The following CENPU variants were observed in gnomAD, a reference collection of about 807,000 sequenced individuals.
CENPU encodes the protein KSHV latent nuclear antigen interacting protein 1.
A neutral mutation model predicts 56.7 loss-of-function variants in CENPU; 46 were observed. That is an observed-to-expected ratio of 0.81 (90% CI 0.64 to 1.04). The LOEUF is 1.04. Among genes scored for constraint, CENPU ranks in the 50% least tolerant of loss-of-function variants. The pLI, the probability that CENPU is intolerant of heterozygous loss-of-function variation, is 0.00. For missense variants in CENPU, 510 were observed against 490.1 expected, an observed-to-expected ratio of 1.04 and a Z score of -0.38; for synonymous variants, 166 against 163.0, an observed-to-expected ratio of 1.02 and a Z score of -0.14.
intron 8 of CENPU, among the ~76,000 whole-genome samples, chr4:184,702,898 T>C (rs555899488): frequency 1.3e-5 from 2 of 152,324 alleles, no homozygotes; most frequent in South Asian, 4.1e-4. Flanking sequence ...GCAAAGGACA[T>C]GATTTTGTTC....
rs566298848 is a variant in CENPU, at chr4:184,731,966, G to A, written c.48-998C>T. ...TACTACAATATGTCTTTCCTAAGAG[G>A]GCATTATACTGCATATTCATGGTAC... On this transcript the variant is annotated intron_variant, in intron 1 of 12. Coordinates refer to ENST00000281453, the MANE Select transcript of CENPU (RefSeq NM_024629.4). Among the ~76,000 whole-genome samples, 8 of 150,382 alleles carry A rather than the reference G, an allele frequency of 5.3e-5. No homozygotes were observed. In the East Asian group the frequency reaches 1.2e-3, roughly 22 times the overall value.
chr4:184,697,744 G>A lies in CENPU; in HGVS notation c.1046C>T (p.Ser349Phe), dbSNP rs756841235. 6 of 1,612,656 alleles carry A rather than the reference G, an allele frequency of 3.7e-6. No homozygotes were observed. Among genetic ancestry groups the A allele is most frequent in the Non-Finnish European group, 5.1e-6 (6 of 1,179,376 alleles). Residue 349 changes from serine to phenylalanine, a missense_variant, in exon 12 of 13, where the codon TCT becomes TTT. Physicochemically the swap from Ser to Phe is radical, Grantham distance 155. Coordinates refer to ENST00000281453, the MANE Select transcript of CENPU (RefSeq NM_024629.4). ...GAAATATGCTGCATTCCTAAGGGAAGACTTTCTCTCTTTAAGTTCATCATA... is the reference window on the plus strand; with the variant it reads ...GAAATATGCTGCATTCCTAAGGGAAAACTTTCTCTCTTTAAGTTCATCATA... ...TKYDELKERK[S>F]SLRNAAYFLS...
At chr4:184,728,437 C>A (rs553401325) in intron 3 of CENPU, among the ~76,000 whole-genome samples, 10 of 152,296 alleles carry the variant, frequency 6.6e-5, no homozygotes, top group Admixed American at 2.0e-4. Flanking sequence ...AAGCAGCCCA[C>A]CCTGACAACT....
At chr4:184,710,606 G>A (rs1347289233) in intron 7 of CENPU, among the ~76,000 whole-genome samples, 1 of 152,130 alleles carries the variant, frequency 6.6e-6, no homozygotes, top group African/African-American at 2.4e-5. Flanking sequence ...GTAATATACA[G>A]TAATATACCA....
chr4:184,718,765 C>T (rs776236990), intron 4 of CENPU, among the ~76,000 whole-genome samples: 40 of 152,068 alleles, frequency 2.6e-4, no homozygotes, highest in African/African-American at 8.7e-4. Flanking sequence ...ATTGCTGGAT[C>T]GGAGGGGAGT....
In CENPU at chr4:184,694,704, G is replaced by C; in HGVS notation, c.*584C>G. On this transcript the variant is annotated 3_prime_UTR_variant, in exon 13 of 13. Coordinates refer to ENST00000281453, the MANE Select transcript of CENPU (RefSeq NM_024629.4). ...ATGCTGAATTAGCTGAAGCTGCAGA[G>C]AACAGTCTTCTCAGTTATAACAGTG... 1.2e-6 allele frequency: 2 copies of C among 1,613,752 alleles called. No homozygotes were observed. Among genetic ancestry groups the C allele is most frequent in the East Asian group, 2.2e-5 (1 of 44,884 alleles).
Position 184,694,586 on chromosome 4 carries a change from A to G in CENPU, c.*702T>C. 3 of 1,614,166 alleles carry G rather than the reference A, an allele frequency of 1.9e-6. No homozygotes were observed. Among genetic ancestry groups the G allele is most frequent in the Non-Finnish European group, 2.5e-6 (3 of 1,179,998 alleles). On this transcript the variant is annotated 3_prime_UTR_variant, in exon 13 of 13. Coordinates refer to ENST00000281453, the MANE Select transcript of CENPU (RefSeq NM_024629.4). Reference sequence around the variant, plus strand: ...AGCAATGAAACCCAGAATCCTCATAAACCATCACCTAGCAGGCTGTCAACA... The same window carrying G: ...AGCAATGAAACCCAGAATCCTCATAGACCATCACCTAGCAGGCTGTCAACA...
At chr4:184,712,069 G>C (rs6552803) in intron 7 of CENPU, among the ~76,000 whole-genome samples, 149,539 of 149,698 alleles carry the variant, frequency 1, 74,691 homozygotes, top group Non-Finnish European at 1. Flanking sequence ...TGCAGTGAGC[G>C]GAGATCAAGC....
At chr4:184,715,180 G>A (rs1029677178) in intron 6 of CENPU, among the ~76,000 whole-genome samples, 1 of 152,174 alleles carries the variant, frequency 6.6e-6, no homozygotes, top group African/African-American at 2.4e-5. Flanking sequence ...CAGGGTGGCA[G>A]GGACAACTTA....
In CENPU at chr4:184,717,207, T is replaced by C. The variant is rs1288853635; in HGVS notation, c.321-11A>G. 1 of 1,607,026 alleles carries C rather than the reference T, an allele frequency of 6.2e-7. No individual in the cohort carries two copies. The highest frequency in any genetic ancestry group is 1.7e-5 in the Admixed American group (1 of 59,788). On this transcript the variant is annotated splice_polypyrimidine_tract_variant and intron_variant, in intron 4 of 12. Transcript: ENST00000281453. The stretch of plus-strand genomic sequence containing the variant: ...CCAGAAGTGTCTGAACTGTAAAAAG[T>C]ACAAGCCATCAATATCTTGTACACA...
At chr4:184,696,883 CTT>C (rs11356233) in intron 12 of CENPU, among the ~76,000 whole-genome samples, 16 of 142,890 alleles carry the variant, frequency 1.1e-4, no homozygotes, top group Non-Finnish European at 1.5e-4. Flanking sequence ...TGTTCCTTAA[CTT>C]TTTTTTTTTT....
chr4:184,694,654 G>T lies in CENPU; in HGVS notation c.*634C>A. 6.2e-7 allele frequency: 1 copy of T among 1,614,164 alleles called. No homozygotes were observed. On this transcript the variant is annotated 3_prime_UTR_variant, in exon 13 of 13. Transcript: ENST00000281453. ...TGTCTGGGATAATGGCATTGATGAT[G>T]CTTATTTTTTAGAAGCTACTGAAGA...
At chr4:184,714,128 G>A (rs1359487049) in intron 6 of CENPU, among the ~76,000 whole-genome samples, 2 of 152,060 alleles carry the variant, frequency 1.3e-5, no homozygotes, top group African/African-American at 4.8e-5. Flanking sequence ...TAAAGAGCTG[G>A]GAAATAAATC....
At chr4:184,718,920 A>G (rs1453763367) in intron 4 of CENPU, among the ~76,000 whole-genome samples, 1 of 152,216 alleles carries the variant, frequency 6.6e-6, no homozygotes, top group Non-Finnish European at 1.5e-5. Flanking sequence ...TGTGCAAAAC[A>G]TCCGGGAACT....
chr4:184,707,530 C>T (rs1315600283), intron 8 of CENPU, among the ~76,000 whole-genome samples: 1 of 152,166 alleles, frequency 6.6e-6, no homozygotes, highest in Non-Finnish European at 1.5e-5. Flanking sequence ...AGAATGATGA[C>T]CCAGAGTCCA....
At chr4:184,702,042 T>A (rs1243057869) in intron 10 of CENPU, 47 bp downstream of exon 10, 1 of 1,221,248 alleles carries the variant, frequency 8.2e-7, no homozygotes, top group African/African-American at 1.5e-5. Context: ...TAACTCTACA[T>A]TAGTATTGTG....
chr4:184,703,138 C>G (rs1760598519), intron 8 of CENPU, among the ~76,000 whole-genome samples: 1 of 152,088 alleles, frequency 6.6e-6, no homozygotes, highest in South Asian at 2.1e-4. Flanking sequence ...TTCCCTAAGC[C>G]CTCTGGTACG....
At chr4:184,725,490 G>C (rs978708559) in intron 3 of CENPU, among the ~76,000 whole-genome samples, 1 of 152,162 alleles carries the variant, frequency 6.6e-6, no homozygotes. Flanking sequence ...ATTATCTGTA[G>C]AGACAGGGTC....
chr4:184,703,029 CATAT>C (rs1467380365), intron 8 of CENPU, among the ~76,000 whole-genome samples: 1 of 152,036 alleles, frequency 6.6e-6, no homozygotes, highest in Non-Finnish European at 1.5e-5. Context: ...CTGCAATGAA[CATAT>C]GAGAGCACCA....
Sources: allele counts gnomAD v4.1 joint callset (sites outside exome capture counted in the v4.1 genomes callset), GRCh38; gene constraint gnomAD v4.1.1; transcripts MANE v1.5; gene names NCBI Gene and HGNC (gene_info 2026-07-23, HGNC 2026-07-21).